CNOT10: variants seen among roughly 807,000 people sequenced by gnomAD.
CNOT10 encodes CCR4-NOT transcription complex subunit 10.
CNOT10 carries 30 observed loss-of-function variants against 94.6 expected under a neutral mutation model. That is an observed-to-expected ratio of 0.32 (90% CI 0.24 to 0.43). The LOEUF (loss-of-function observed/expected upper bound fraction) is 0.43. Ranked by LOEUF, CNOT10 falls within the 20% of genes least tolerant of loss-of-function variation. The probability of loss-of-function intolerance (pLI) is 1.00; values close to 1 mark genes in which losing one functional copy is unlikely to be tolerated. For missense variants in CNOT10, 759 were observed against 877.2 expected (o/e 0.87, Z 1.70); for synonymous variants, 289 against 301.6 (o/e 0.96, Z 0.43).
At chr3:32,772,187 A>G (rs891738128) in intron 18 of CNOT10, among the ~76,000 whole-genome samples, 9 of 150,314 alleles carry the variant, frequency 6.0e-5, no homozygotes, top group African/African-American at 2.3e-4. Context: ...TGTCTCTACT[A>G]AAAATACACA....
chr3:32,692,308 CTGG>C (rs1023310208), intron 1 of CNOT10, among the ~76,000 whole-genome samples: 4 of 152,136 alleles, frequency 2.6e-5, no homozygotes, highest in Admixed American at 2.6e-4. Flanking sequence ...ATTGCCCAGG[CTGG>C]TCTCAAACTC....
At chr3:32,729,719 A>G (rs917512164) in intron 10 of CNOT10, among the ~76,000 whole-genome samples, 6 of 149,270 alleles carry the variant, frequency 4.0e-5, no homozygotes, top group Admixed American at 2.0e-4. Flanking sequence ...CTTATTGGTT[A>G]ATTCTTAACT....
rs566676005 is a variant in CNOT10, at chr3:32,693,907, A to T, written c.22+8425A>T. 5.3e-5 allele frequency among the ~76,000 whole-genome samples: 8 copies of T among 152,264 alleles called. No individual in the cohort carries two copies. In the South Asian group the frequency reaches 1.7e-3, roughly 32 times the overall value. On this transcript the variant is annotated intron_variant, in intron 1 of 18. Coordinates refer to ENST00000328834, the MANE Select transcript of CNOT10 (RefSeq NM_015442.3). ...GACTGAATATTGATTTATACTTGTG[A>T]ATTTAAATTGAAACCTTATTGCAGT...
chr3:32,713,998 GAT>G (rs1215910356), intron 5 of CNOT10, among the ~76,000 whole-genome samples: 2 of 152,028 alleles, frequency 1.3e-5, no homozygotes, highest in Admixed American at 6.6e-5. Flanking sequence ...TTTTTGTGTG[GAT>G]ATATGTTTTC....
chr3:32,725,339 A>C, intron 8 of CNOT10, 111 bp from the exon 9 acceptor site: 1 of 805,652 alleles, frequency 1.2e-6, no homozygotes, highest in Non-Finnish European at 2.2e-6. Flanking sequence ...TTCTTTAGGG[A>C]GTAAGTGGAA....
At chr3:32,744,305 G>A (rs1699603223) in intron 13 of CNOT10, among the ~76,000 whole-genome samples, 1 of 152,058 alleles carries the variant, frequency 6.6e-6, no homozygotes, top group Admixed American at 6.6e-5. Flanking sequence ...AGCTTTTATG[G>A]ACTATCATAT....
intron 1 of CNOT10, among the ~76,000 whole-genome samples, chr3:32,687,452 G>GTTTTTTTGTTTT (rs1696662794): frequency 1.7e-5 from 1 of 60,400 alleles, no homozygotes; most frequent in Non-Finnish European, 3.1e-5. Flanking sequence ...TTTTTTTTTT[G>GTTTTTTTGTTTT]TTTTTTTTTT....
At chr3:32,760,421 C>T (rs966540174) in intron 14 of CNOT10, among the ~76,000 whole-genome samples, 1 of 151,976 alleles carries the variant, frequency 6.6e-6, no homozygotes, top group African/African-American at 2.4e-5. Flanking sequence ...CATTTGAGGT[C>T]GGGAGTCTGA....
rs904638638 is a variant in CNOT10, at chr3:32,695,748, G to A, written c.23-8120G>A. 11 of 1,535,650 alleles carry A rather than the reference G, an allele frequency of 7.2e-6. No individual in the cohort carries two copies. In the Admixed American group the frequency reaches 1.2e-4, roughly 16 times the overall value. On this transcript the variant is annotated intron_variant, in intron 1 of 18. Transcript: ENST00000328834. ...AAGTCAAGCTTATGGGTGAACGGTC[G>A]TATACTCTTTCAATTGGCAACGGAG...
chr3:32,760,687 T>G (rs1700407334), intron 14 of CNOT10, among the ~76,000 whole-genome samples: 1 of 152,124 alleles, frequency 6.6e-6, no homozygotes, highest in Non-Finnish European at 1.5e-5. Flanking sequence ...TCCTGGAAAT[T>G]TTATCAAAAG....
intron 3 of CNOT10, among the ~76,000 whole-genome samples, chr3:32,706,493 C>T (rs371923166): frequency 6.6e-5 from 10 of 152,298 alleles, no homozygotes; most frequent in African/African-American, 2.2e-4. Flanking sequence ...TTAAATCATA[C>T]TTCTGTTCGC....
At chr3:32,733,327 C>A (rs1195720413) in intron 10 of CNOT10, 96 bp from the exon 11 acceptor site, 3 of 999,258 alleles carry the variant, frequency 3.0e-6, no homozygotes, top group East Asian at 5.4e-5. Flanking sequence ...TAAGAACTTT[C>A]TTAAATTTAG....
chr3:32,766,407 C>T lies in CNOT10; in HGVS notation c.2004+1598C>T, dbSNP rs1232554549. ...CAGCACTTTGGGAGGCCGAGGTGGG[C>T]GGATCATGAGGTCAGGAGATCAAGA... On this transcript the variant is annotated intron_variant, in intron 17 of 18. Coordinates refer to ENST00000328834, the MANE Select transcript of CNOT10 (RefSeq NM_015442.3). Among the ~76,000 whole-genome samples, 12 of 46,834 alleles carry T rather than the reference C, an allele frequency of 2.6e-4. 4 individuals carry two copies. Among genetic ancestry groups the T allele is most frequent in the African/African-American group, 7.3e-4 (11 of 15,062 alleles). The allele number at this position is 46,834 out of a possible 152,430, so 30.7% of individuals were successfully genotyped here.
In CNOT10 at chr3:32,720,897, TC is replaced by T. The variant is rs1553632586; in HGVS notation, c.862+668del. ...CCTTCTTTCTTTTCCTTCTTTTCCT[TC>T]CTTCCTTCCTTCCTTCCTTCCTTCC... On this transcript the variant is annotated intron_variant, in intron 8 of 18. Transcript: ENST00000328834. 5.8e-4 allele frequency among the ~76,000 whole-genome samples: 34 copies of T among 59,060 alleles called. No homozygotes were observed. In the East Asian group the frequency reaches 9.7e-3, roughly 17 times the overall value. The allele number at this position is 59,060 out of a possible 152,430, so 38.7% of individuals were successfully genotyped here. A position where few individuals can be genotyped will look rare whatever the true frequency, so the allele number is the denominator to read the frequency against.
intron 13 of CNOT10, among the ~76,000 whole-genome samples, chr3:32,738,416 G>C (rs555199695): frequency 3.9e-4 from 59 of 151,544 alleles, no homozygotes; most frequent in African/African-American, 1.4e-3. Context: ...GAAGATTTTT[G>C]ATAATGAATT....
intron 1 of CNOT10, among the ~76,000 whole-genome samples, chr3:32,698,262 T>C (rs1377880057): frequency 1.3e-5 from 2 of 152,258 alleles, no homozygotes; most frequent in Admixed American, 1.3e-4. Context: ...ATAAAATAAC[T>C]ACTTGACCTG....
intron 1 of CNOT10, chr3:32,695,871 T>G: frequency 6.9e-7 from 1 of 1,446,470 alleles, no homozygotes; most frequent in Non-Finnish European, 9.3e-7. Flanking sequence ...TTTAAAACAT[T>G]AAAAAAACTG....
intron 1 of CNOT10, among the ~76,000 whole-genome samples, chr3:32,697,255 C>A (rs111649077): frequency 0.019 from 2,945 of 152,142 alleles, 45 homozygotes; most frequent in East Asian, 0.046. Context: ...CAGCCTGATA[C>A]TTCCATTTTC....
chr3:32,695,958 T>C, intron 1 of CNOT10: 1 of 693,888 alleles, frequency 1.4e-6, no homozygotes, highest in Non-Finnish European at 2.4e-6. Flanking sequence ...AAAATAATCC[T>C]GTTGAAGAGA....
Sources: gnomAD v4.1 joint callset for allele counts (sites outside exome capture counted in the v4.1 genomes callset) on GRCh38, gnomAD v4.1.1 for gene constraint, MANE v1.5 for transcripts, NCBI Gene and HGNC (gene_info 2026-07-23, HGNC 2026-07-21) for gene names.